Variants in PDE4D observed in about 807,000 individuals in gnomAD.
The protein encoded by PDE4D is 3',5'-cyclic-AMP phosphodiesterase 4D.
In PDE4D, 24 loss-of-function variants were observed where a neutral mutation model predicts 87.4. That is an observed-to-expected ratio of 0.27 (90% CI 0.20 to 0.39). The LOEUF is 0.39. PDE4D is among the 10% of genes least tolerant of loss of function. The probability of loss-of-function intolerance (pLI) is 1.00; values close to 1 mark genes in which losing one functional copy is unlikely to be tolerated. For missense variants in PDE4D, 714 were observed against 1,041.0 expected (o/e 0.69, Z 4.32); for synonymous variants, 384 against 383.2 (o/e 1.00, Z -0.02).
chr5:59,076,464 T>C (rs1765693600), intron 5 of PDE4D, among the ~76,000 whole-genome samples: 1 of 151,962 alleles, frequency 6.6e-6, no homozygotes. Context: ...ACAGAAAAAA[T>C]AGTTAATGCC....
intron 1 of PDE4D, among the ~76,000 whole-genome samples, chr5:60,496,944 C>A (rs1333683889): frequency 6.6e-6 from 1 of 152,158 alleles, no homozygotes; most frequent in Non-Finnish European, 1.5e-5. Context: ...TTTACACCAT[C>A]ATTTTATTGA....
At chr5:60,276,522 T>C (rs13169609) in intron 1 of PDE4D, among the ~76,000 whole-genome samples, 223 of 135,326 alleles carry the variant, frequency 1.6e-3, no homozygotes, top group African/African-American at 8.5e-3. Context: ...GCAGCCATAC[T>C]TTAGCATTCA....
chr5:60,468,137 C>CTTTTT (rs570783072), intron 1 of PDE4D, among the ~76,000 whole-genome samples: 8 of 141,206 alleles, frequency 5.7e-5, no homozygotes, highest in Non-Finnish European at 1.1e-4. Context: ...TTTCTTTTTT[C>CTTTTT]TTTTTTTTTT....
chr5:59,608,073 C>T (rs1561313888), intron 1 of PDE4D, among the ~76,000 whole-genome samples: 2 of 152,154 alleles, frequency 1.3e-5, no homozygotes, highest in Admixed American at 1.3e-4. Context: ...ATGCCTTCCC[C>T]TAATTTGTTA....
chr5:59,543,952 C>T (rs1486718916), intron 1 of PDE4D, among the ~76,000 whole-genome samples: 1 of 152,160 alleles, frequency 6.6e-6, no homozygotes, highest in East Asian at 1.9e-4. Context: ...AATGAGGAAG[C>T]AGTCACAGCT....
chr5:59,334,974 A>C (rs1051246250), intron 1 of PDE4D, among the ~76,000 whole-genome samples: 4 of 151,008 alleles, frequency 2.6e-5, no homozygotes, highest in South Asian at 2.1e-4. Flanking sequence ...ATTCCTATTC[A>C]CTCCTCATTT....
intron 1 of PDE4D, among the ~76,000 whole-genome samples, chr5:59,290,383 G>A (rs1404993642): frequency 6.6e-6 from 1 of 151,812 alleles, no homozygotes; most frequent in Non-Finnish European, 1.5e-5. Context: ...TGCAGAAGAA[G>A]GAAACTAGAC....
chr5:59,613,337 T>C (rs1029013870), intron 1 of PDE4D, among the ~76,000 whole-genome samples: 5 of 152,104 alleles, frequency 3.3e-5, no homozygotes, highest in African/African-American at 1.2e-4. Flanking sequence ...TTGGACATGC[T>C]CAGTTTCAGG....
At chr5:59,004,493 G>A (rs766822426) in intron 6 of PDE4D, among the ~76,000 whole-genome samples, 27 of 152,136 alleles carry the variant, frequency 1.8e-4, no homozygotes, top group Admixed American at 7.9e-4. Context: ...GAATACAGGG[G>A]TGTTATGTTA....
intron 3 of PDE4D, among the ~76,000 whole-genome samples, chr5:59,948,542 A>G (rs1232431876): frequency 6.6e-6 from 1 of 152,254 alleles, no homozygotes; most frequent in African/African-American, 2.4e-5. Context: ...TGAAGACAGA[A>G]TGAGAAAAAT....
intron 2 of PDE4D, among the ~76,000 whole-genome samples, chr5:60,178,993 G>A (rs1224603661): frequency 6.6e-6 from 1 of 152,116 alleles, no homozygotes; most frequent in African/African-American, 2.4e-5. Context: ...TCAGGATGTT[G>A]AGGGCTGCAA....
chr5:59,777,704 C>T (rs1250371469), intron 1 of PDE4D, among the ~76,000 whole-genome samples: 6 of 152,086 alleles, frequency 3.9e-5, no homozygotes, highest in Non-Finnish European at 8.8e-5. Context: ...CACAGGTGAT[C>T]CTATTTCTTT....
At chr5:59,566,906 C>G (rs939025754) in intron 1 of PDE4D, among the ~76,000 whole-genome samples, 15 of 151,838 alleles carry the variant, frequency 9.9e-5, no homozygotes, top group Non-Finnish European at 1.9e-4. Context: ...CTTGTGGGGT[C>G]TTTTTTTCCT....
At chr5:59,408,518 C>T (rs1024943579) in intron 1 of PDE4D, among the ~76,000 whole-genome samples, 1 of 152,170 alleles carries the variant, frequency 6.6e-6, no homozygotes, top group Non-Finnish European at 1.5e-5. Flanking sequence ...AGAATCCCCC[C>T]TGGGGCATTG....
chr5:59,356,871 C>T (rs901518713), intron 1 of PDE4D: 32 of 1,528,184 alleles, frequency 2.1e-5, no homozygotes, highest in Non-Finnish European at 2.7e-5. Flanking sequence ...CCAAGATCCC[C>T]AGGAACCACG....
chr5:59,251,681 T>G (rs151180105), intron 1 of PDE4D, among the ~76,000 whole-genome samples: 3,290 of 152,210 alleles, frequency 0.022, 55 homozygotes, highest in Non-Finnish European at 0.03. Context: ...ACTGGGCATA[T>G]TCCCAGAGGA....
chr5:59,718,964 C>A (rs558208629), intron 1 of PDE4D, among the ~76,000 whole-genome samples: 88 of 151,510 alleles, frequency 5.8e-4, no homozygotes, highest in Non-Finnish European at 7.1e-4. Context: ...AATAAAGGTA[C>A]CTGCTCTCTT....
chr5:59,033,419 C>T (rs1198052929), intron 6 of PDE4D, among the ~76,000 whole-genome samples: 1 of 152,208 alleles, frequency 6.6e-6, no homozygotes, highest in African/African-American at 2.4e-5. Flanking sequence ...AACTGCTCCC[C>T]TACTAGAGCT....
chr5:59,036,632 C>G (rs900796791), intron 6 of PDE4D, among the ~76,000 whole-genome samples: 1 of 152,004 alleles, frequency 6.6e-6, no homozygotes, highest in Non-Finnish European at 1.5e-5. Flanking sequence ...TTAGCAAGAG[C>G]TTTTTTTTCT....
Sources: allele counts gnomAD v4.1 joint callset (sites outside exome capture counted in the v4.1 genomes callset), GRCh38; gene constraint gnomAD v4.1.1; transcripts MANE v1.5; gene names NCBI Gene and HGNC (gene_info 2026-07-23, HGNC 2026-07-21).